NRXN3: variants seen among roughly 807,000 people sequenced by gnomAD.
The protein encoded by NRXN3 is neurexin III.
In NRXN3, 32 loss-of-function variants were observed where a neutral mutation model predicts 137.6. That is an observed-to-expected ratio of 0.23 (90% CI 0.18 to 0.31). NRXN3 has a LOEUF of 0.31. Among genes scored for constraint, NRXN3 ranks in the 10% least tolerant of loss-of-function variants. The probability of loss-of-function intolerance (pLI) is 1.00; values close to 1 mark genes in which losing one functional copy is unlikely to be tolerated. For missense variants in NRXN3, 1,574 were observed against 2,062.5 expected (o/e 0.76, Z 4.59); for synonymous variants, 798 against 784.5 (o/e 1.02, Z -0.29).
intron 15 of NRXN3, among the ~76,000 whole-genome samples, chr14:79,118,442 T>G (rs1230781793): frequency 6.6e-6 from 1 of 152,170 alleles, no homozygotes; most frequent in Non-Finnish European, 1.5e-5. Context: ...GGCCAAGCAT[T>G]TAAGTGTTGA....
At chr14:79,856,616 TTC>T (rs2141857490) in intron 20 of NRXN3, among the ~76,000 whole-genome samples, 1 of 79,264 alleles carries the variant, frequency 1.3e-5, no homozygotes, top group East Asian at 6.7e-4. Context: ...TGTTTTTTTG[TTC>T]TTTTTTTTTT....
chr14:79,794,266 A>G (rs1342609056), intron 19 of NRXN3, among the ~76,000 whole-genome samples: 2 of 152,168 alleles, frequency 1.3e-5, no homozygotes, highest in African/African-American at 4.8e-5. Context: ...TGGGAGGCTG[A>G]GGCAGAAGAA....
chr14:79,383,563 A>G (rs1430124655), intron 15 of NRXN3, among the ~76,000 whole-genome samples: 1 of 152,152 alleles, frequency 6.6e-6, no homozygotes, highest in Non-Finnish European at 1.5e-5. Context: ...CTCTGCAGCC[A>G]AAAGCATATT....
chr14:78,828,369 C>T (rs889354190), intron 10 of NRXN3, among the ~76,000 whole-genome samples: 13 of 152,182 alleles, frequency 8.5e-5, no homozygotes, highest in African/African-American at 2.9e-4. Context: ...TCATTAAGAA[C>T]TGGAGAGTTG....
intron 10 of NRXN3, among the ~76,000 whole-genome samples, chr14:78,883,617 T>G (rs2099135362): frequency 6.6e-6 from 1 of 152,232 alleles, no homozygotes; most frequent in Non-Finnish European, 1.5e-5. Flanking sequence ...GGTATTGGGT[T>G]GTCCTTTTGG....
intron 19 of NRXN3, among the ~76,000 whole-genome samples, chr14:79,787,340 A>T (rs901140026): frequency 6.6e-6 from 1 of 152,200 alleles, no homozygotes; most frequent in Admixed American, 6.5e-5. Context: ...GGAATGATCA[A>T]CCCAGGATAA....
intron 10 of NRXN3, among the ~76,000 whole-genome samples, chr14:78,924,019 G>A (rs1422004111): frequency 6.6e-6 from 1 of 152,212 alleles, no homozygotes; most frequent in Non-Finnish European, 1.5e-5. Flanking sequence ...GGAGGCTGAG[G>A]CGGGTGGATC....
At chr14:79,768,687 AAAACTGG>A (rs2099065408) in intron 19 of NRXN3, among the ~76,000 whole-genome samples, 1 of 152,250 alleles carries the variant, frequency 6.6e-6, no homozygotes, top group Non-Finnish European at 1.5e-5. Flanking sequence ...ACAGAGCAGA[AAAACTGG>A]AAACTCTTAA....
chr14:78,552,495 T>G (rs1037083167), intron 4 of NRXN3, among the ~76,000 whole-genome samples: 3 of 152,082 alleles, frequency 2.0e-5, no homozygotes, highest in Admixed American at 1.3e-4. Context: ...TGGCATGAAG[T>G]CAGCAAATAA....
intron 16 of NRXN3, among the ~76,000 whole-genome samples, chr14:79,504,712 A>C (rs1005636895): frequency 1.6e-4 from 24 of 146,766 alleles, no homozygotes; most frequent in Admixed American, 1.3e-3. Context: ...TGATGAAATA[A>C]AAGTGTTTCA....
chr14:79,255,198 T>C (rs2076420413), intron 15 of NRXN3, among the ~76,000 whole-genome samples: 1 of 152,224 alleles, frequency 6.6e-6, no homozygotes, highest in Non-Finnish European at 1.5e-5. Context: ...ACTCACACTG[T>C]CAGGAGTGGC....
At chr14:78,928,497 G>C (rs2099312427) in intron 10 of NRXN3, among the ~76,000 whole-genome samples, 1 of 151,998 alleles carries the variant, frequency 6.6e-6, no homozygotes, top group African/African-American at 2.4e-5. Flanking sequence ...TCCCCTTCCT[G>C]TGTCCATGTG....
chr14:78,800,414 A>G (rs1243958749), intron 8 of NRXN3, among the ~76,000 whole-genome samples: 1 of 152,232 alleles, frequency 6.6e-6, no homozygotes, highest in Non-Finnish European at 1.5e-5. Context: ...GATCTTCTTT[A>G]GATTCTGCCC....
chr14:78,291,989 G>A (rs2075851832), intron 3 of NRXN3, among the ~76,000 whole-genome samples: 1 of 152,124 alleles, frequency 6.6e-6, no homozygotes, highest in Admixed American at 6.5e-5. Flanking sequence ...CCAGGGTGAA[G>A]GAAAGAAGAA....
rs1237078910 is a variant in NRXN3 at position 78,715,156 on chromosome 14, G to A, written c.2044+17G>A. 1 of 1,596,058 alleles carries A rather than the reference G, an allele frequency of 6.3e-7. No individual in the cohort carries two copies. The highest frequency in any genetic ancestry group is 1.1e-5 in the South Asian group (1 of 90,696). ...GCGAAAGGGGTGAGTCGGCCTAGAG[G>A]ATGGCAAGTGAGGGCCTGAGTGGGG... On this transcript the variant is annotated intron_variant, in intron 8 of 20. Coordinates refer to ENST00000335750, the MANE Select transcript of NRXN3 (RefSeq NM_001330195.2).
rs189841660 is a variant in NRXN3, at chr14:78,866,144, T to C, written c.2275+55800T>C. Among the ~76,000 whole-genome samples, 27 of 152,296 alleles carry C rather than the reference T, an allele frequency of 1.8e-4. No individual in the cohort carries two copies. In the East Asian group the frequency reaches 4.8e-3, roughly 27 times the overall value. ...GATCACTGATATCCTAAGAATTCTA[T>C]AGTCTCTGCTGATTTTAAAGTCGAG... On this transcript the variant is annotated intron_variant, in intron 10 of 20. Transcript: ENST00000335750.
intron 19 of NRXN3, among the ~76,000 whole-genome samples, chr14:79,779,690 C>A (rs1278787653): frequency 1.3e-5 from 2 of 152,158 alleles, no homozygotes; most frequent in Non-Finnish European, 2.9e-5. Flanking sequence ...AACTCTCTGA[C>A]CACAAGTTTT....
chr14:78,920,017 A>T (rs565164563), intron 10 of NRXN3, among the ~76,000 whole-genome samples: 1 of 152,238 alleles, frequency 6.6e-6, no homozygotes, highest in Non-Finnish European at 1.5e-5. Flanking sequence ...GAAATAAAGA[A>T]GTTGAAATTT....
intron 15 of NRXN3, among the ~76,000 whole-genome samples, chr14:79,358,607 G>GAAAGAAAGAAAGAA (rs10667477): frequency 1.1e-4 from 9 of 79,942 alleles, no homozygotes; most frequent in East Asian, 3.7e-4. Context: ...AAGAAAGAAA[G>GAAAGAAAGAAAGAA]AGAAAGAAAG....
Sources: allele counts gnomAD v4.1 joint callset (sites outside exome capture counted in the v4.1 genomes callset), GRCh38; gene constraint gnomAD v4.1.1; transcripts MANE v1.5; gene names NCBI Gene and HGNC (gene_info 2026-07-23, HGNC 2026-07-21).